SLC14A2: variants seen among roughly 807,000 people sequenced by gnomAD.
SLC14A2 encodes urea transporter 2.
A neutral mutation model predicts 104.6 loss-of-function variants in SLC14A2; 91 were observed. That is an observed-to-expected ratio of 0.87 (90% confidence interval 0.73 to 1.04). The LOEUF (loss-of-function observed/expected upper bound fraction) is 1.04. SLC14A2 is among the 50% of genes least tolerant of loss of function. SLC14A2 has a pLI of 0.00. For synonymous variants in SLC14A2, 476 were observed against 466.4 expected, an observed-to-expected ratio of 1.02 and a Z score of -0.27; for missense variants, 1,189 against 1,156.0, an observed-to-expected ratio of 1.03 and a Z score of -0.41.
At chr18:45,390,252 G>T (rs943880663) in intron 1 of SLC14A2, among the ~76,000 whole-genome samples, 3 of 152,132 alleles carry the variant, frequency 2.0e-5, no homozygotes, top group South Asian at 4.1e-4. Flanking sequence ...CATTTGTCCT[G>T]CTTCCTCTGG....
intron 2 of SLC14A2, among the ~76,000 whole-genome samples, chr18:45,554,278 A>G (rs926614925): frequency 6.6e-6 from 1 of 152,180 alleles, no homozygotes; most frequent in Non-Finnish European, 1.5e-5. Context: ...ATATTTCAAA[A>G]CTGGAAAGGG....
chr18:45,317,605 G>T (rs1174497308), intron 1 of SLC14A2, among the ~76,000 whole-genome samples: 1 of 152,194 alleles, frequency 6.6e-6, no homozygotes, highest in African/African-American at 2.4e-5. Flanking sequence ...ATATAAGGAG[G>T]TTGTAATATG....
intron 19 of SLC14A2, among the ~76,000 whole-genome samples, chr18:45,681,744 T>C (rs532486741): frequency 2.0e-4 from 30 of 152,190 alleles, no homozygotes; most frequent in Admixed American, 1.2e-3. Flanking sequence ...GTTCCCCAGT[T>C]TTTTCAGTTC....
At position 45,305,754 on chromosome 18, in the gene SLC14A2, T is replaced by C. The variant is rs544714059; in HGVS notation, c.-125+92563T>C. Reference sequence around the variant, plus strand: ...CAGCCTTATTATTGTTCGGAAACCATAAAACTGAAAACTGCATTTTTATGA... The same window carrying C: ...CAGCCTTATTATTGTTCGGAAACCACAAAACTGAAAACTGCATTTTTATGA... On this transcript the variant is annotated intron_variant, in intron 1 of 20. Transcript: ENST00000586448. 7.2e-5 allele frequency among the ~76,000 whole-genome samples: 11 copies of C among 152,314 alleles called. No individual in the cohort carries two copies. In the East Asian group the frequency reaches 2.1e-3, roughly 29 times the overall value.
chr18:45,464,249 C>T (rs1405467427), intron 1 of SLC14A2, among the ~76,000 whole-genome samples: 1 of 152,192 alleles, frequency 6.6e-6, no homozygotes, highest in African/African-American at 2.4e-5. Flanking sequence ...TTTAGGGTAA[C>T]TTAGCTTCTC....
At chr18:45,624,895 T>G in intron 2 of SLC14A2, 81 bp downstream of exon 2, 6 of 1,421,582 alleles carry the variant, frequency 4.2e-6, no homozygotes, top group Non-Finnish European at 5.8e-6. Context: ...CTTTCCCACC[T>G]TCCCAGTGAA....
At chr18:45,568,550 T>C (rs1029805232) in intron 2 of SLC14A2, among the ~76,000 whole-genome samples, 1 of 152,226 alleles carries the variant, frequency 6.6e-6, no homozygotes, top group African/African-American at 2.4e-5. Flanking sequence ...AAAAATGTCA[T>C]GTCATTTCTG....
intron 1 of SLC14A2, among the ~76,000 whole-genome samples, chr18:45,458,357 TG>T (rs980526537): frequency 2.0e-5 from 3 of 150,122 alleles, no homozygotes; most frequent in African/African-American, 7.3e-5. Context: ...ATGTTCTTCT[TG>T]GAACATTAGG....
chr18:45,311,041 T>A (rs2085073239), intron 1 of SLC14A2, among the ~76,000 whole-genome samples: 1 of 152,184 alleles, frequency 6.6e-6, no homozygotes, highest in South Asian at 2.1e-4. Context: ...GGGCAGGTAC[T>A]GAGATAATAG....
intron 1 of SLC14A2, among the ~76,000 whole-genome samples, chr18:45,406,056 A>G (rs1382328479): frequency 6.6e-6 from 1 of 152,190 alleles, no homozygotes; most frequent in East Asian, 1.9e-4. Context: ...TGCTGTATCA[A>G]TAGACTGTTG....
intron 1 of SLC14A2, among the ~76,000 whole-genome samples, chr18:45,268,893 C>T (rs908147201): frequency 2.0e-5 from 3 of 151,776 alleles, no homozygotes; most frequent in Non-Finnish European, 4.4e-5. Flanking sequence ...AGTGGAGGCA[C>T]CAAGGGGAGT....
intron 1 of SLC14A2, among the ~76,000 whole-genome samples, chr18:45,246,536 T>C (rs2084369019): frequency 2.0e-5 from 3 of 152,304 alleles, no homozygotes; most frequent in African/African-American, 7.2e-5. Context: ...TTCAAACCTC[T>C]CACTAACATT....
chr18:45,194,712 C>A, the SLC14A2 span, among the ~76,000 whole-genome samples: 1 of 137,388 alleles, frequency 7.3e-6, no homozygotes, highest in South Asian at 2.3e-4. Flanking sequence ...GTGGTGCGAT[C>A]TCGGCTCACT....
At chr18:45,293,547 G>C (rs1037173794) in intron 1 of SLC14A2, among the ~76,000 whole-genome samples, 7 of 150,914 alleles carry the variant, frequency 4.6e-5, no homozygotes, top group African/African-American at 1.7e-4. Flanking sequence ...CTGAGAATTA[G>C]GAGAAGAGGG....
At position 45,555,377 on chromosome 18, in the gene SLC14A2, T is replaced by C. The variant is rs544915298; in HGVS notation, c.-34-69254T>C. Among the ~76,000 whole-genome samples, 4 of 152,340 alleles carry C rather than the reference T, an allele frequency of 2.6e-5. No individual in the cohort carries two copies. The South Asian group carries it at 8.3e-4, about 32-fold the overall frequency. ...CTGATGGTATAAAAGTGATACACAC[T>C]CAGTACACTCTTTGACTTAAGATGG... On this transcript the variant is annotated intron_variant, in intron 2 of 20. Coordinates refer to the SLC14A2 transcript ENST00000586448.
chr18:45,381,431 G>C (rs2085833791), intron 1 of SLC14A2, among the ~76,000 whole-genome samples: 1 of 152,186 alleles, frequency 6.6e-6, no homozygotes, highest in African/African-American at 2.4e-5. Flanking sequence ...CTTATTTTCT[G>C]TGGTCTTTTC....
chr18:45,533,379 T>C (rs2043729936), intron 2 of SLC14A2, among the ~76,000 whole-genome samples: 1 of 152,232 alleles, frequency 6.6e-6, no homozygotes, highest in South Asian at 2.1e-4. Context: ...TTTCAGAGCC[T>C]GTTATTGGCC....
At chr18:45,192,208 T>C in the SLC14A2 span, among the ~76,000 whole-genome samples, 1 of 152,186 alleles carries the variant, frequency 6.6e-6, no homozygotes, top group Admixed American at 6.5e-5. Flanking sequence ...TTTAGTGTAC[T>C]TGGAGGTGTG....
chr18:45,637,260 C>A, intron 6 of SLC14A2, 78 bp downstream of exon 6: 1 of 1,193,744 alleles, frequency 8.4e-7, no homozygotes, highest in Non-Finnish European at 1.2e-6. Context: ...TGTGGACTAT[C>A]CATGCTCTCA....
Sources: gnomAD v4.1 joint callset for allele counts (sites outside exome capture counted in the v4.1 genomes callset) on GRCh38, gnomAD v4.1.1 for gene constraint, MANE v1.5 for transcripts, NCBI Gene and HGNC (gene_info 2026-07-23, HGNC 2026-07-21) for gene names.